TNK2: variants seen among roughly 807,000 people sequenced by gnomAD.
The protein encoded by TNK2 is tyrosine kinase non receptor 2.
Under a neutral mutation model 101.8 loss-of-function variants are expected in TNK2, and 83 were observed. The ratio of observed to expected loss-of-function variants is 0.82; its 90% CI spans 0.68 to 0.98. The LOEUF is 0.98. Ranked by LOEUF, TNK2 falls within the 50% of genes least tolerant of loss-of-function variation. TNK2 has a pLI of 0.00. For synonymous variants in TNK2, 804 were observed against 633.0 expected (o/e 1.27, Z -4.06); for missense variants, 1,665 against 1,483.2 (o/e 1.12, Z -2.01).
chr3:195,864,232 G>A (rs759944490), intron 15 of TNK2, 45 bp from the exon 16 acceptor site: 4 of 1,612,874 alleles, frequency 2.5e-6, no homozygotes, highest in South Asian at 2.2e-5. Flanking sequence ...GTTTACAGAA[G>A]GTTCAGCGGG....
chr3:195,870,553 G>C (rs897732038), intron 10 of TNK2: 11 of 510,628 alleles, frequency 2.2e-5, no homozygotes, highest in Non-Finnish European at 3.4e-5. Flanking sequence ...CCACGATGGA[G>C]GGCCTAAGAA....
At chr3:195,876,395 G>A (rs758453284) in intron 9 of TNK2, 24 of 456,386 alleles carry the variant, frequency 5.3e-5, no homozygotes, top group Non-Finnish European at 9.7e-5. Flanking sequence ...GGCTAGGAGG[G>A]AACTCCAAAC....
chr3:195,905,814 C>G (rs1464375162), intron 1 of TNK2, among the ~76,000 whole-genome samples: 1 of 152,190 alleles, frequency 6.6e-6, no homozygotes, highest in African/African-American at 2.4e-5. Flanking sequence ...TTTACAACTT[C>G]TCTTCAAAAA....
chr3:195,875,592 C>T (rs146624046), intron 9 of TNK2, among the ~76,000 whole-genome samples: 4 of 152,294 alleles, frequency 2.6e-5, no homozygotes, highest in African/African-American at 4.8e-5. Flanking sequence ...TCAGTGTGGC[C>T]GAGGCACCAG....
chr3:195,879,755 G>A (rs796791984), intron 6 of TNK2, among the ~76,000 whole-genome samples: 48 of 152,182 alleles, frequency 3.2e-4, no homozygotes, highest in African/African-American at 1.1e-3. Flanking sequence ...GGAGGGTGGT[G>A]CCCAGACAGG....
At chr3:195,872,234 C>T (rs1331485438) in intron 10 of TNK2, 42 bp downstream of exon 10, 16 of 1,607,566 alleles carry the variant, frequency 1.0e-5, no homozygotes, top group East Asian at 2.2e-5. Flanking sequence ...CCTGGAGTCC[C>T]GAGCGGGGCC....
intron 1 of TNK2, chr3:195,892,654 C>G (rs1759048450): frequency 7.1e-7 from 1 of 1,415,838 alleles, no homozygotes; most frequent in South Asian, 1.5e-5. Flanking sequence ...TGGGTTTCCA[C>G]AGCTGGCCGG....
At position 195,863,552 on chromosome 3, in the gene TNK2, C is replaced by G. The variant is rs1738737724; in HGVS notation, c.*629G>C. The stretch of plus-strand genomic sequence containing the variant: ...CCTTCCAGCCCTGGGGCCTTGGGCC[C>G]TGGTCCCCGCCAGAGAATGGTCTGG... On this transcript the variant is annotated 3_prime_UTR_variant, in exon 16 of 16. Transcript: ENST00000672887. 6.5e-6 allele frequency: 1 copy of G among 152,756 alleles called. No homozygotes were observed. The highest frequency in any genetic ancestry group is 1.9e-4 in the East Asian group (1 of 5,196). 9.5% of individuals were successfully genotyped at this position (152,756 alleles called of 1,614,324 possible). A position where few individuals can be genotyped will look rare whatever the true frequency, so the allele number is the denominator to read the frequency against.
At chr3:195,881,817 G>GA (rs1753256286) in intron 6 of TNK2, among the ~76,000 whole-genome samples, 1 of 152,074 alleles carries the variant, frequency 6.6e-6, no homozygotes, top group African/African-American at 2.4e-5. Flanking sequence ...GCCCCTTGGA[G>GA]AGTCCCACAG....
Position 195,871,267 on chromosome 3 carries a change from T to C in TNK2, c.1451+1009A>G, listed in dbSNP as rs573742224. ...CTTCCCAGATGCCCCTCGGTGGCCT[T>C]ATCCTCTTACATAGGAGACAGGGCC... On this transcript the variant is annotated intron_variant, in intron 10 of 15. Coordinates refer to ENST00000672887, the MANE Select transcript of TNK2 (RefSeq NM_001382273.1). Among the ~76,000 whole-genome samples, 12 of 152,142 alleles carry C rather than the reference T, an allele frequency of 7.9e-5. No homozygotes were observed. The East Asian group carries it at 2.1e-3, about 27-fold the overall frequency.
rs770496107 is a variant in TNK2 at position 195,883,213 on chromosome 3, C to A, written c.553G>T (p.Asp185Tyr). 2 of 1,610,920 alleles carry A rather than the reference C, an allele frequency of 1.2e-6. No individual in the cohort carries two copies. The highest frequency in any genetic ancestry group is 1.3e-5 in the African/African-American group (1 of 74,982). Residue 185 changes from aspartate (D) to tyrosine (Y), a missense_variant, in exon 5 of 16, where the codon GAC (aspartate) becomes TAC (tyrosine). Asp to Tyr is a radical substitution (Grantham distance 160, BLOSUM62 -3). Transcript: ENST00000672887. ...TAGAGGCGGATGAGGTTTCGGTGGT[C>A]GAGCGAGTGCATGGCATTGACCTCC... Reference protein sequence around the residue: ...IREVNAMHSLDHRNLIRLYGV... With the variant: ...IREVNAMHSLYHRNLIRLYGV...
chr3:195,864,242 G>T, intron 15 of TNK2, 55 bp from the exon 16 acceptor site: 5 of 1,610,814 alleles, frequency 3.1e-6, no homozygotes, highest in Non-Finnish European at 4.2e-6. Context: ...GGTTCAGCGG[G>T]GCAGGCACCG....
chr3:195,883,538 TG>T, intron 4 of TNK2: 1 of 529,704 alleles, frequency 1.9e-6, no homozygotes, highest in Non-Finnish European at 3.4e-6. Flanking sequence ...CTCCCCTTCC[TG>T]GGGGAATGCC....
At chr3:195,877,167 G>A (rs770054962) in intron 9 of TNK2, among the ~76,000 whole-genome samples, 4 of 152,126 alleles carry the variant, frequency 2.6e-5, no homozygotes, top group Non-Finnish European at 4.4e-5. Context: ...CCTGCAGACT[G>A]TTTGCCTCCT....
chr3:195,870,488 G>C, intron 10 of TNK2: 3 of 1,086,712 alleles, frequency 2.8e-6, no homozygotes, highest in East Asian at 1.1e-4. Context: ...CAACCCCCCA[G>C]GCCCCCAGCC....
intron 1 of TNK2, among the ~76,000 whole-genome samples, chr3:195,893,490 G>C (rs768296094): frequency 1.8e-4 from 28 of 152,056 alleles, no homozygotes; most frequent in Non-Finnish European, 4.0e-4. Context: ...AAAGCTGTAG[G>C]ATGTCTCCTG....
In TNK2 at chr3:195,870,370, G is replaced by C. The variant is rs535058887; in HGVS notation, c.1452-165C>G. 1.9e-5 allele frequency: 29 copies of C among 1,487,268 alleles called. No individual in the cohort carries two copies. In the South Asian group the frequency reaches 2.3e-4, roughly 12 times the overall value. 92.1% of individuals were successfully genotyped at this position (1,487,268 alleles called of 1,614,324 possible). ...AGAACCTGACCGCACGTCTCAGCTG[G>C]GGGGTGTCCTGGAGAGAAGGCAGAG... On this transcript the variant is annotated intron_variant, in intron 10 of 15. Transcript: ENST00000672887.
Position 195,872,481 on chromosome 3 carries a change from G to A in TNK2, c.1257-11C>T, listed in dbSNP as rs765526254. The A allele has an allele frequency of 9.6e-6, 15 of 1,568,546 alleles. No homozygotes were observed. The Admixed American group carries it at 2.1e-4, about 22-fold the overall frequency. ...CAGTAGTTCTCGGCCCTGCGCGACA[G>A]AGATGGCACGGTGAACGCCAGGCGT... On this transcript the variant is annotated splice_polypyrimidine_tract_variant and intron_variant, in intron 9 of 15. Transcript: ENST00000672887.
At chr3:195,877,197 T>C (rs1749895109) in intron 9 of TNK2, among the ~76,000 whole-genome samples, 1 of 152,154 alleles carries the variant, frequency 6.6e-6, no homozygotes, top group Non-Finnish European at 1.5e-5. Flanking sequence ...CCTCTCTTTC[T>C]AGAACCTTCT....
Sources: gnomAD v4.1 joint callset for allele counts (sites outside exome capture counted in the v4.1 genomes callset) on GRCh38, gnomAD v4.1.1 for gene constraint, MANE v1.5 for transcripts, NCBI Gene and HGNC (gene_info 2026-07-23, HGNC 2026-07-21) for gene names.